ZNF407: variants seen among roughly 807,000 people sequenced by gnomAD.
The protein encoded by ZNF407 is zinc finger protein 407.
In ZNF407, 17 loss-of-function variants were observed where a neutral mutation model predicts 131.2. The ratio of observed to expected loss-of-function variants is 0.13; its 90% CI spans 0.09 to 0.19. The LOEUF is 0.19. ZNF407 is among the 10% of genes least tolerant of loss of function. ZNF407 has a pLI of 1.00. For synonymous variants in ZNF407, 1,156 were observed against 1,062.0 expected (o/e 1.09, Z -1.72); for missense variants, 2,681 against 2,830.6 (o/e 0.95, Z 1.20).
intron 3 of ZNF407, among the ~76,000 whole-genome samples, chr18:74,687,906 A>G (rs1967131759): frequency 6.6e-6 from 1 of 152,180 alleles, no homozygotes; most frequent in Admixed American, 6.5e-5. Context: ...GCTTCTTACT[A>G]CTGTTAATTA....
At chr18:74,957,884 G>A (rs77846734) in intron 8 of ZNF407, among the ~76,000 whole-genome samples, 1,652 of 152,306 alleles carry the variant, frequency 0.011, 32 homozygotes, top group African/African-American at 0.037. Flanking sequence ...ACTTCTAGGG[G>A]AAAGTGATGA....
chr18:74,801,396 T>C (rs1033880280), intron 4 of ZNF407, among the ~76,000 whole-genome samples: 2 of 152,234 alleles, frequency 1.3e-5, no homozygotes, highest in South Asian at 2.1e-4. Flanking sequence ...ATTTTATATA[T>C]ACTTCGAGTA....
chr18:74,810,368 T>C (rs67006946), intron 4 of ZNF407, among the ~76,000 whole-genome samples: 1 of 140,522 alleles, frequency 7.1e-6, no homozygotes, highest in Non-Finnish European at 1.6e-5. Flanking sequence ...TTTTTTTTTT[T>C]AAATCAGTAA....
chr18:74,641,166 T>C (rs778262371), intron 3 of ZNF407, 44 bp downstream of exon 3: 3 of 1,467,574 alleles, frequency 2.0e-6, no homozygotes, highest in Non-Finnish European at 1.9e-6. Context: ...CCAGGAAGCA[T>C]GTGCAGGATA....
At chr18:74,717,259 T>A (rs1411473372) in intron 3 of ZNF407, among the ~76,000 whole-genome samples, 1 of 152,164 alleles carries the variant, frequency 6.6e-6, no homozygotes, top group East Asian at 1.9e-4. Flanking sequence ...CAAGTCCTGT[T>A]AAGGAGGAGG....
chr18:74,836,934 C>T (rs1568235891), intron 4 of ZNF407, among the ~76,000 whole-genome samples: 1 of 152,024 alleles, frequency 6.6e-6, no homozygotes, highest in South Asian at 2.1e-4. Context: ...TATTTGGGAT[C>T]GAAGATCAGT....
chr18:74,673,495 G>A (rs917368311), intron 3 of ZNF407, among the ~76,000 whole-genome samples: 9 of 152,172 alleles, frequency 5.9e-5, no homozygotes, highest in Non-Finnish European at 1.3e-4. Context: ...ATAATCTGGG[G>A]CCGCAGAAGA....
intron 3 of ZNF407, among the ~76,000 whole-genome samples, chr18:74,725,605 T>TTTTA (rs1408647427): frequency 8.5e-5 from 13 of 152,050 alleles, no homozygotes; most frequent in Non-Finnish European, 1.3e-4. Flanking sequence ...TAGAGTCTAT[T>TTTTA]TTTATTTATT....
chr18:74,722,945 C>G (rs1016908074), intron 3 of ZNF407, among the ~76,000 whole-genome samples: 2 of 151,962 alleles, frequency 1.3e-5, no homozygotes, highest in Non-Finnish European at 2.9e-5. Flanking sequence ...AATTAGTTGA[C>G]TATGTGTTAG....
chr18:74,608,008 G>T (rs1006685061), intron 1 of ZNF407, among the ~76,000 whole-genome samples: 3 of 152,102 alleles, frequency 2.0e-5, no homozygotes, highest in African/African-American at 7.2e-5. Flanking sequence ...ATATTTTTAT[G>T]TTAGAGTCAA....
intron 7 of ZNF407, among the ~76,000 whole-genome samples, chr18:74,895,017 C>A (rs1971434553): frequency 6.6e-6 from 1 of 151,910 alleles, no homozygotes; most frequent in Admixed American, 6.6e-5. Context: ...GACATCATAA[C>A]CCTGAGTAGA....
chr18:74,877,859 C>G (rs1300324664), intron 5 of ZNF407, among the ~76,000 whole-genome samples: 3 of 152,098 alleles, frequency 2.0e-5, no homozygotes, highest in Non-Finnish European at 4.4e-5. Flanking sequence ...CTGTCAGATC[C>G]AAGAGTTTTT....
chr18:74,712,655 G>A (rs1162725935), intron 3 of ZNF407, among the ~76,000 whole-genome samples: 1 of 152,232 alleles, frequency 6.6e-6, no homozygotes, highest in Non-Finnish European at 1.5e-5. Context: ...AGGGTGTGAT[G>A]CATGTTGGAT....
chr18:74,894,372 AT>A, intron 7 of ZNF407, among the ~76,000 whole-genome samples: 1 of 152,134 alleles, frequency 6.6e-6, no homozygotes, highest in East Asian at 1.9e-4. Flanking sequence ...ATGAAAAAAA[AT>A]AACATTTTTC....
intron 3 of ZNF407, among the ~76,000 whole-genome samples, chr18:74,661,780 A>G (rs1233120429): frequency 6.6e-6 from 1 of 152,248 alleles, no homozygotes; most frequent in Non-Finnish European, 1.5e-5. Flanking sequence ...TGCCTAGGGA[A>G]AATGTGTGAA....
intron 1 of ZNF407, among the ~76,000 whole-genome samples, chr18:74,609,038 G>A (rs911875793): frequency 6.6e-6 from 1 of 152,114 alleles, no homozygotes; most frequent in African/African-American, 2.4e-5. Context: ...GACTTTAACT[G>A]TGGGGTATTT....
intron 4 of ZNF407, among the ~76,000 whole-genome samples, chr18:74,806,768 T>C (rs898189787): frequency 6.6e-6 from 1 of 152,208 alleles, no homozygotes; most frequent in African/African-American, 2.4e-5. Context: ...TAAGGAATAA[T>C]ACTCCCTTTA....
chr18:74,983,169 A>T (rs1972612638), intron 8 of ZNF407, among the ~76,000 whole-genome samples: 1 of 150,098 alleles, frequency 6.7e-6, no homozygotes, highest in Non-Finnish European at 1.5e-5. Context: ...AAACTGCACT[A>T]TTTTTTTTTT....
chr18:74,800,793 G>A (rs1374177637), intron 4 of ZNF407, among the ~76,000 whole-genome samples: 1 of 151,998 alleles, frequency 6.6e-6, no homozygotes, highest in Non-Finnish European at 1.5e-5. Context: ...AAATTAATAC[G>A]ATTTTTACAT....
Sources: gnomAD v4.1 joint callset for allele counts (sites outside exome capture counted in the v4.1 genomes callset) on GRCh38, gnomAD v4.1.1 for gene constraint, MANE v1.5 for transcripts, NCBI Gene and HGNC (gene_info 2026-07-23, HGNC 2026-07-21) for gene names.